SAP130: variants seen among roughly 807,000 people sequenced by gnomAD.
The protein encoded by SAP130 is histone deacetylase complex subunit SAP130.
In SAP130, 16 loss-of-function variants were observed where a neutral mutation model predicts 103.2. The ratio of observed to expected loss-of-function variants is 0.16; its 90% CI spans 0.10 to 0.24. The LOEUF is 0.24. Ranked by LOEUF, SAP130 falls within the 10% of genes least tolerant of loss-of-function variation. The pLI is 1.00. For missense variants in SAP130, 990 were observed against 1,359.7 expected (o/e 0.73, Z 4.28); for synonymous variants, 477 against 497.0 (o/e 0.96, Z 0.53).
intron 15 of SAP130, among the ~76,000 whole-genome samples, chr2:127,975,434 T>C (rs577703671): frequency 3.3e-5 from 5 of 152,282 alleles, no homozygotes; most frequent in African/African-American, 7.2e-5. Flanking sequence ...ATGGACCATA[T>C]TGAAAAAGTC....
At chr2:127,976,138 G>A (rs370397048) in intron 15 of SAP130, among the ~76,000 whole-genome samples, 1 of 152,138 alleles carries the variant, frequency 6.6e-6, no homozygotes, top group Non-Finnish European at 1.5e-5. Flanking sequence ...GAGCCACTGC[G>A]CCCGGCTGGT....
chr2:128,023,148 C>T (rs1180582492), intron 2 of SAP130, among the ~76,000 whole-genome samples: 1 of 152,128 alleles, frequency 6.6e-6, no homozygotes, highest in Non-Finnish European at 1.5e-5. Context: ...GCACCCACCA[C>T]CACGCCCAGC....
chr2:127,957,225 C>T (rs1375431489), intron 15 of SAP130, among the ~76,000 whole-genome samples: 2 of 151,974 alleles, frequency 1.3e-5, no homozygotes, highest in Non-Finnish European at 1.5e-5. Context: ...TTACTAGTGC[C>T]CAGGAGTCTG....
intron 12 of SAP130, among the ~76,000 whole-genome samples, chr2:127,991,244 C>T (rs1682777299): frequency 6.6e-6 from 1 of 151,530 alleles, no homozygotes; most frequent in Admixed American, 6.6e-5. Context: ...AGTGAAACTC[C>T]GTCTCAAAAA....
intron 19 of SAP130, 124 bp downstream of exon 19, chr2:127,945,332 C>A (rs530383437): frequency 3.2e-6 from 2 of 625,544 alleles, no homozygotes; most frequent in East Asian, 5.5e-5. Flanking sequence ...CATAAAAATT[C>A]TATCATAACC....
chr2:128,007,354 G>T lies in SAP130; in HGVS notation c.869+2915C>A, dbSNP rs140974130. Among the ~76,000 whole-genome samples the T allele has an allele frequency of 6.4e-3, 973 of 152,298 alleles. 3 individuals carry two copies. Among genetic ancestry groups the T allele is most frequent in the South Asian group, 9.9e-3 (48 of 4,826 alleles). ...TGGAGATGATTTAGAGTACATGGGA[G>T]GAGGTGCGTAGGTTATACGCAAATA... On this transcript the variant is annotated intron_variant, in intron 7 of 20. Coordinates refer to ENST00000643581, the MANE Select transcript of SAP130 (RefSeq NM_001330301.2).
At chr2:127,990,561 T>C (rs1330711729) in intron 12 of SAP130, among the ~76,000 whole-genome samples, 1 of 152,220 alleles carries the variant, frequency 6.6e-6, no homozygotes, top group East Asian at 1.9e-4. Flanking sequence ...ACAAGTATCT[T>C]ACAATGTTTG....
At chr2:127,954,925 G>C in intron 16 of SAP130, 61 bp downstream of exon 16, 1 of 1,266,254 alleles carries the variant, frequency 7.9e-7, no homozygotes, top group Non-Finnish European at 1.1e-6. Context: ...GGATGCTGGA[G>C]GAGAATTAGG....
intron 1 of SAP130, chr2:128,027,026 C>A (rs888902741): frequency 7.5e-7 from 1 of 1,325,114 alleles, no homozygotes; most frequent in African/African-American, 1.5e-5. Flanking sequence ...ACCCCCGTCT[C>A]CGGGGTGGGG....
rs1679631623 is a variant in SAP130 at position 127,953,568 on chromosome 2, C to G, written c.2422+1418G>C. On this transcript the variant is annotated intron_variant, in intron 16 of 20. Coordinates refer to ENST00000643581, the MANE Select transcript of SAP130 (RefSeq NM_001330301.2). This position sits in a 1 kb window ranked among gnomAD's most constrained non-coding sequence, Gnocchi z 4.0. Reference sequence around the variant, plus strand: ...CCTGTGGGCCCTGTTCTACCATGATCTGATCCTGCTGCCTGCCACTCCCCT... The same window carrying G: ...CCTGTGGGCCCTGTTCTACCATGATGTGATCCTGCTGCCTGCCACTCCCCT... 6.6e-6 allele frequency among the ~76,000 whole-genome samples: 1 copy of G among 152,220 alleles called. No homozygotes were observed. Among genetic ancestry groups the G allele is most frequent in the East Asian group, 1.9e-4 (1 of 5,206 alleles).
chr2:127,972,785 A>T (rs1681183645), intron 15 of SAP130, among the ~76,000 whole-genome samples: 1 of 151,922 alleles, frequency 6.6e-6, no homozygotes. Flanking sequence ...AAAAATAAAA[A>T]TAGCTGGGCA....
chr2:128,000,433 C>T lies in SAP130; in HGVS notation c.891G>A (p.Gln297=), dbSNP rs1487853099. 1 of 1,614,104 alleles carries T rather than the reference C, an allele frequency of 6.2e-7. No individual in the cohort carries two copies. Among genetic ancestry groups the T allele is most frequent in the Non-Finnish European group, 8.5e-7 (1 of 1,180,010 alleles). ...SALSRPTLSI[Q]HPPSAAISIQ... Reference sequence around the variant, plus strand: ...TACTGATTGCTGCAGATGGAGGATGCTGGATAGACAAGGTTGGCCTACTGA... The same window carrying T: ...TACTGATTGCTGCAGATGGAGGATGTTGGATAGACAAGGTTGGCCTACTGA... Residue 297 remains glutamine, a synonymous_variant, in exon 8 of 21, where the codon CAG becomes CAA. Coordinates refer to ENST00000643581, the MANE Select transcript of SAP130 (RefSeq NM_001330301.2).
At chr2:127,947,761 T>TGTGTGTGTGTGTGA in intron 18 of SAP130, among the ~76,000 whole-genome samples, 2 of 122,978 alleles carry the variant, frequency 1.6e-5, no homozygotes, top group Admixed American at 8.5e-5. Flanking sequence ...GTATTGTGTG[T>TGTGTGTGTGTGTGA]GTCTGTGTGT....
intron 15 of SAP130, among the ~76,000 whole-genome samples, chr2:127,967,770 A>G (rs1053046968): frequency 1.3e-5 from 2 of 152,214 alleles, no homozygotes; most frequent in Non-Finnish European, 2.9e-5. Context: ...AAGGACACAG[A>G]GGACTGGAAC....
chr2:127,978,607 C>T (rs1233374984), intron 14 of SAP130, among the ~76,000 whole-genome samples: 1 of 152,200 alleles, frequency 6.6e-6, no homozygotes, highest in African/African-American at 2.4e-5. Context: ...CATGAGCAAT[C>T]TTGACATGTT....
intron 15 of SAP130, among the ~76,000 whole-genome samples, chr2:127,961,778 C>A (rs1460581101): frequency 6.6e-6 from 1 of 152,154 alleles, no homozygotes; most frequent in Non-Finnish European, 1.5e-5. Flanking sequence ...CAGAGCCAGA[C>A]TTCCCAAAGT....
At position 127,942,548 on chromosome 2, in the gene SAP130, CA is replaced by C; in HGVS notation, c.2902-12del. 1 of 1,484,824 alleles carries C rather than the reference CA, an allele frequency of 6.7e-7. No individual in the cohort carries two copies. Among genetic ancestry groups the C allele is most frequent in the South Asian group, 1.1e-5 (1 of 88,220 alleles). The allele number at this position is 1,484,824 out of a possible 1,614,324, so 92.0% of individuals were successfully genotyped here. A position where few individuals can be genotyped will look rare whatever the true frequency, so the allele number is the denominator to read the frequency against. The stretch of plus-strand genomic sequence containing the variant: ...ATGTTCTAGATTCGTCTGCAACACA[CA>C]AAAGGGAGGGTATCATAAGCTCGGA... On this transcript the variant is annotated splice_polypyrimidine_tract_variant and intron_variant, in intron 19 of 20. Transcript: ENST00000643581. The surrounding 1 kb of genome is among the most constrained non-coding windows in gnomAD (Gnocchi z 4.8).
At chr2:128,018,246 A>C (rs556897379) in intron 2 of SAP130, among the ~76,000 whole-genome samples, 64 of 151,864 alleles carry the variant, frequency 4.2e-4, no homozygotes, top group Middle Eastern at 3.4e-3. Flanking sequence ...GAAAGTTATA[A>C]AAGCCTGACA....
Position 128,000,465 on chromosome 2 carries a change from A to T in SAP130, c.870-11T>A. 6.2e-7 allele frequency: 1 copy of T among 1,614,092 alleles called. No individual in the cohort carries two copies. Among genetic ancestry groups the T allele is most frequent in the Non-Finnish European group, 8.5e-7 (1 of 1,179,990 alleles). On this transcript the variant is annotated splice_polypyrimidine_tract_variant and intron_variant, in intron 7 of 20. Coordinates refer to ENST00000643581, the MANE Select transcript of SAP130 (RefSeq NM_001330301.2). ...GACAAGGTTGGCCTACTGAAAAGAT[A>T]ACAAAGACACAATGCAGATGGGCAA... is the stretch of plus-strand genomic sequence containing the variant.
Sources: allele counts gnomAD v4.1 joint callset (sites outside exome capture counted in the v4.1 genomes callset), GRCh38; gene constraint gnomAD v4.1.1; non-coding constraint Gnocchi (gnomAD v3.1); transcripts MANE v1.5; gene names NCBI Gene and HGNC (gene_info 2026-07-23, HGNC 2026-07-21).